The following ATG7 variants were observed in gnomAD, a reference collection of about 807,000 sequenced individuals.
The protein encoded by ATG7 is autophagy related 7, also known as ubiquitin-like modifier-activating enzyme ATG7.
In ATG7, 70 loss-of-function variants were observed where a neutral mutation model predicts 82.4. The ratio of observed to expected loss-of-function variants is 0.85; its 90% CI spans 0.70 to 1.04. ATG7 has a LOEUF of 1.04. ATG7 is among the 50% of genes least tolerant of loss of function. The pLI is 0.00. For synonymous variants in ATG7, 287 were observed against 313.0 expected (o/e 0.92, Z 0.88); for missense variants, 792 against 864.3 (o/e 0.92, Z 1.05).
intron 20 of ATG7, among the ~76,000 whole-genome samples, chr3:11,512,770 G>A (rs2153077972): frequency 6.6e-6 from 1 of 152,316 alleles, no homozygotes; most frequent in South Asian, 2.1e-4. Context: ...TGTGGAAGGG[G>A]ACCTGAGCGG....
intron 20 of ATG7, among the ~76,000 whole-genome samples, chr3:11,533,785 A>G (rs960170153): frequency 2.0e-5 from 3 of 152,196 alleles, no homozygotes; most frequent in African/African-American, 7.2e-5. Context: ...ATCAGCAGAG[A>G]AACAGAAAAG....
At chr3:11,543,675 G>A (rs1373118521) in intron 20 of ATG7, among the ~76,000 whole-genome samples, 2 of 152,172 alleles carry the variant, frequency 1.3e-5, no homozygotes, top group Non-Finnish European at 2.9e-5. Flanking sequence ...TGAGGTGGGC[G>A]GATCACCTGA....
In ATG7 at chr3:11,555,785, A is replaced by C. The variant is rs1330250758; in HGVS notation, c.*942A>C. Reference sequence around the variant, plus strand: ...GGCCATGGCCTAGGTACCTGTGACCACCCTGCCCCCGTGTAGAGGGCATCG... The same window carrying C: ...GGCCATGGCCTAGGTACCTGTGACCCCCCTGCCCCCGTGTAGAGGGCATCG... On this transcript the variant is annotated 3_prime_UTR_variant, in exon 21 of 21. Transcript: ENST00000693202. 1 of 152,202 alleles carries C rather than the reference A, an allele frequency of 6.6e-6. No homozygotes were observed. The highest frequency in any genetic ancestry group is 6.5e-5 in the Admixed American group (1 of 15,274). 9.4% of individuals were successfully genotyped at this position (152,202 alleles called of 1,614,324 possible).
chr3:11,519,950 A>G (rs2092399326), intron 20 of ATG7, among the ~76,000 whole-genome samples: 2 of 152,024 alleles, frequency 1.3e-5, no homozygotes, highest in African/African-American at 4.8e-5. Context: ...GCAGATAATG[A>G]CAGATTTTTT....
chr3:11,510,382 TAA>T (rs369095431), intron 20 of ATG7: 2,249 of 341,914 alleles, frequency 6.6e-3, no homozygotes, highest in South Asian at 9.8e-3. Flanking sequence ...TGCCCCAGTT[TAA>T]AAAAAAAAAA....
intron 20 of ATG7, chr3:11,488,584 G>C (rs370569693): frequency 1.5e-6 from 1 of 677,424 alleles, no homozygotes; most frequent in Non-Finnish European, 2.0e-6. Flanking sequence ...ATGGCCGGAC[G>C]GGCTCCCTAA....
intron 18 of ATG7, among the ~76,000 whole-genome samples, chr3:11,378,520 T>C (rs2077609075): frequency 6.7e-6 from 1 of 150,012 alleles, no homozygotes; most frequent in Admixed American, 6.6e-5. Context: ...CCATCTCTAC[T>C]AAAAATAGAA....
At chr3:11,342,316 A>T in intron 13 of ATG7, 37 bp downstream of exon 13, 2 of 1,586,266 alleles carry the variant, frequency 1.3e-6, no homozygotes, top group Non-Finnish European at 1.7e-6. Context: ...GGCACCTTTG[A>T]AGTTGTAGCT....
intron 18 of ATG7, among the ~76,000 whole-genome samples, chr3:11,372,626 C>T (rs35834806): frequency 0.48 from 71,941 of 150,372 alleles, 20,593 homozygotes; most frequent in Non-Finnish European, 0.63. Context: ...CCACCCTCAG[C>T]CCCAGGCAAC....
At chr3:11,475,073 T>G (rs2087987761) in intron 20 of ATG7, among the ~76,000 whole-genome samples, 1 of 151,618 alleles carries the variant, frequency 6.6e-6, no homozygotes. Flanking sequence ...GGGGAATGGA[T>G]TGGGTTATAG....
At chr3:11,467,444 T>A (rs1380258587) in intron 20 of ATG7, among the ~76,000 whole-genome samples, 1 of 152,218 alleles carries the variant, frequency 6.6e-6, no homozygotes, top group Non-Finnish European at 1.5e-5. Flanking sequence ...TGGTGCGATC[T>A]CGGCTTACTG....
At chr3:11,340,231 G>A (rs571058521) in intron 11 of ATG7, among the ~76,000 whole-genome samples, 1 of 152,198 alleles carries the variant, frequency 6.6e-6, no homozygotes, top group Admixed American at 6.5e-5. Context: ...CCTCAGTGAA[G>A]GGGTGCTGCA....
chr3:11,478,877 GTATT>G (rs2088572191), intron 20 of ATG7, among the ~76,000 whole-genome samples: 1 of 151,990 alleles, frequency 6.6e-6, no homozygotes, highest in East Asian at 1.9e-4. Context: ...TATTTAATAA[GTATT>G]TATGTATATA....
chr3:11,374,624 G>A (rs894852779), intron 18 of ATG7, among the ~76,000 whole-genome samples: 2 of 152,180 alleles, frequency 1.3e-5, no homozygotes, highest in Non-Finnish European at 2.9e-5. Flanking sequence ...AGCACAAAAA[G>A]TCCATGTGTG....
At chr3:11,516,181 G>A (rs2092275778) in intron 20 of ATG7, among the ~76,000 whole-genome samples, 1 of 151,970 alleles carries the variant, frequency 6.6e-6, no homozygotes. Flanking sequence ...TATACAGATG[G>A]CAAATAAACA....
intron 19 of ATG7, among the ~76,000 whole-genome samples, chr3:11,385,179 G>A (rs560576082): frequency 1.3e-5 from 2 of 152,106 alleles, no homozygotes; most frequent in Admixed American, 6.5e-5. Flanking sequence ...ACAGGCGTGC[G>A]CCACCACACC....
At chr3:11,368,619 C>G (rs987239094) in intron 18 of ATG7, among the ~76,000 whole-genome samples, 1 of 151,928 alleles carries the variant, frequency 6.6e-6, no homozygotes, top group African/African-American at 2.4e-5. Context: ...TAGGGAGACC[C>G]CGTCTCTACA....
intron 20 of ATG7, among the ~76,000 whole-genome samples, chr3:11,458,449 G>A (rs1203160464): frequency 2.0e-5 from 3 of 152,096 alleles, no homozygotes; most frequent in Non-Finnish European, 4.4e-5. Flanking sequence ...ATTTTTAGTA[G>A]AGACTGGGTT....
chr3:11,509,268 G>A (rs1170121318), intron 20 of ATG7, among the ~76,000 whole-genome samples: 1 of 151,420 alleles, frequency 6.6e-6, no homozygotes, highest in Non-Finnish European at 1.5e-5. Context: ...GCTGCTGCCG[G>A]CAGGAGGGAG....
Sources: allele counts gnomAD v4.1 joint callset (sites outside exome capture counted in the v4.1 genomes callset), GRCh38; gene constraint gnomAD v4.1.1; transcripts MANE v1.5; gene names NCBI Gene and HGNC (gene_info 2026-07-23, HGNC 2026-07-21).